The following MS4A3 variants were observed in gnomAD, a reference collection of about 807,000 sequenced individuals.
MS4A3 encodes the protein membrane-spanning 4-domains subfamily A member 3.
Under a neutral mutation model 24.7 loss-of-function variants are expected in MS4A3, and 18 were observed. That is an observed-to-expected ratio of 0.73 (90% CI 0.50 to 1.08). The LOEUF (loss-of-function observed/expected upper bound fraction) is 1.08. MS4A3 is among the 50% of genes least tolerant of loss of function. The pLI is 0.00. For missense variants in MS4A3, 282 were observed against 251.7 expected, an observed-to-expected ratio of 1.12 and a Z score of -0.82; for synonymous variants, 84 against 95.3, an observed-to-expected ratio of 0.88 and a Z score of 0.69.
At chr11:60,060,219 T>C (rs768265445) in intron 1 of MS4A3, among the ~76,000 whole-genome samples, 1 of 152,202 alleles carries the variant, frequency 6.6e-6, no homozygotes, top group Non-Finnish European at 1.5e-5. Flanking sequence ...GTTCACAGGT[T>C]GAGAATTCCG....
chr11:60,069,548 T>A, intron 5 of MS4A3, 26 bp from the exon 6 acceptor site: 1 of 1,524,552 alleles, frequency 6.6e-7, no homozygotes, highest in Non-Finnish European at 9.1e-7. Flanking sequence ...GCCACTGGGT[T>A]TGATATAAGG....
chr11:60,069,524 T>C (rs770596362), intron 5 of MS4A3, 50 bp from the exon 6 acceptor site: 2 of 1,285,460 alleles, frequency 1.6e-6, no homozygotes, highest in South Asian at 2.5e-5. Flanking sequence ...TTTTTTTTTT[T>C]ACCTCTGGAT....
At chr11:60,058,972 C>T (rs529316177) in intron 1 of MS4A3, among the ~76,000 whole-genome samples, 6 of 152,120 alleles carry the variant, frequency 3.9e-5, no homozygotes, top group South Asian at 2.1e-4. Flanking sequence ...GTGTTGAACA[C>T]GGGGGGTTAA....
intron 1 of MS4A3, among the ~76,000 whole-genome samples, chr11:60,059,604 GCTCCCACT>G: frequency 6.6e-6 from 1 of 152,086 alleles, no homozygotes; most frequent in Middle Eastern, 3.4e-3. Context: ...TTAGCATTTA[GCTCCCACT>G]TATAAGTGAG....
chr11:60,070,206 A>G lies in MS4A3; in HGVS notation c.618A>G (p.Glu206=). ...ATTAATGTTGTTTTATTTTCTAGGA[A>G]ATTTCCTCACCTCCCAATTCTGTGT... is the stretch of plus-strand genomic sequence containing the variant. ...CNANCCNSRE[E]ISSPPNSV is the part of the protein sequence containing the mutation. The change falls in exon 7 of 7, where the codon GAA becomes GAG. Residue 206 remains glutamate (E), a splice_region_variant and synonymous_variant. Coordinates refer to ENST00000278865, the MANE Select transcript of MS4A3 (RefSeq NM_006138.5). The G allele has an allele frequency of 6.2e-7, 1 of 1,601,802 alleles. No individual in the cohort carries two copies. The highest frequency in any genetic ancestry group is 8.5e-7 in the Non-Finnish European group (1 of 1,169,730).
intron 1 of MS4A3, among the ~76,000 whole-genome samples, chr11:60,059,548 T>G (rs1206149186): frequency 6.6e-6 from 1 of 152,168 alleles, no homozygotes; most frequent in Non-Finnish European, 1.5e-5. Flanking sequence ...CTCCTCTCTC[T>G]GATAATCTCC....
intron 2 of MS4A3, 26 bp downstream of exon 2, chr11:60,061,342 G>T: frequency 6.3e-7 from 1 of 1,582,016 alleles, no homozygotes; most frequent in South Asian, 1.2e-5. Flanking sequence ...TTTAAACACT[G>T]ATTTAAGAGG....
At chr11:60,068,121 T>C (rs1855402371) in intron 5 of MS4A3, among the ~76,000 whole-genome samples, 1 of 152,150 alleles carries the variant, frequency 6.6e-6, no homozygotes, top group South Asian at 2.1e-4. Flanking sequence ...ACTTGAGAGA[T>C]TTACAACTTT....
At position 60,061,649 on chromosome 11, in the gene MS4A3, C is replaced by A. The variant is rs549932586; in HGVS notation, c.156+333C>A. The A allele has an allele frequency of 6.2e-5, 18 of 288,822 alleles. 1 individual carries two copies. The highest frequency in any genetic ancestry group is 4.8e-4 in the South Asian group (14 of 29,238). 17.9% of individuals were successfully genotyped at this position (288,822 alleles called of 1,614,324 possible). On this transcript the variant is annotated intron_variant, in intron 2 of 6. Transcript: ENST00000278865. The stretch of plus-strand genomic sequence containing the variant: ...TGTCACATACAAAATATGTGATAAT[C>A]GACTGTTTATATTAATAGTAAGACT...
At chr11:60,061,032 T>C in intron 1 of MS4A3, 114 bp from the exon 2 acceptor site, 1 of 874,524 alleles carries the variant, frequency 1.1e-6, no homozygotes, top group Non-Finnish European at 1.7e-6. Flanking sequence ...GTCCCATTTG[T>C]GGAGAGTCAT....
At chr11:60,057,272 ATGT>A (rs1397127933) in intron 1 of MS4A3, among the ~76,000 whole-genome samples, 1 of 152,178 alleles carries the variant, frequency 6.6e-6, no homozygotes, top group Non-Finnish European at 1.5e-5. Context: ...CATTCATCTG[ATGT>A]TGTGAGAACT....
intron 4 of MS4A3, among the ~76,000 whole-genome samples, 163 bp from the exon 5 acceptor site, chr11:60,066,788 G>A (rs1369578082): frequency 1.3e-5 from 2 of 152,172 alleles, no homozygotes; most frequent in African/African-American, 2.4e-5. Flanking sequence ...TCCATGGAGG[G>A]TGGGGGACAG....
At chr11:60,061,572 T>C (rs1399403892) in intron 2 of MS4A3, 1 of 502,726 alleles carries the variant, frequency 2.0e-6, no homozygotes, top group Admixed American at 2.8e-5. Context: ...CATTTTCTCT[T>C]TCTTATGATT....
intron 3 of MS4A3, 107 bp downstream of exon 3, chr11:60,062,712 T>G: frequency 7.8e-7 from 1 of 1,274,008 alleles, no homozygotes; most frequent in Non-Finnish European, 1.1e-6. Context: ...GGTTGCATGC[T>G]GTGGTTTTGA....
intron 3 of MS4A3, 83 bp downstream of exon 3, chr11:60,062,688 G>C: frequency 2.6e-6 from 4 of 1,512,072 alleles, no homozygotes; most frequent in Non-Finnish European, 3.6e-6. Context: ...AATATTGTTT[G>C]TAGGTTATTG....
At chr11:60,063,696 G>A (rs1855313654) in intron 3 of MS4A3, among the ~76,000 whole-genome samples, 1 of 152,062 alleles carries the variant, frequency 6.6e-6, no homozygotes, top group Admixed American at 6.6e-5. Flanking sequence ...TGATTTTATT[G>A]CATTTGTTTT....
At position 60,070,593 on chromosome 11, in the gene MS4A3, C is replaced by T. The variant is rs1390192172; in HGVS notation, c.*360C>T. On this transcript the variant is annotated 3_prime_UTR_variant, in exon 7 of 7. Transcript: ENST00000278865. ...TTAAGGAAGGAAGGCGGTATAATCC[C>T]TATTCAATATATTTTTTCTAAAATC... 1 of 177,412 alleles carries T rather than the reference C, an allele frequency of 5.6e-6. No homozygotes were observed. Among genetic ancestry groups the T allele is most frequent in the African/African-American group, 2.4e-5 (1 of 42,504 alleles). 11.0% of individuals were successfully genotyped at this position (177,412 alleles called of 1,614,324 possible). A position where few individuals can be genotyped will look rare whatever the true frequency, so the allele number is the denominator to read the frequency against.
chr11:60,061,403 G>T, intron 2 of MS4A3, 87 bp downstream of exon 2: 1 of 1,468,324 alleles, frequency 6.8e-7, no homozygotes. Context: ...TGAACTGTGA[G>T]GATTCCCTTA....
chr11:60,065,392 A>AAAAACAAAAC (rs554954053), intron 4 of MS4A3, among the ~76,000 whole-genome samples: 1 of 152,026 alleles, frequency 6.6e-6, no homozygotes, highest in Admixed American at 6.6e-5. Flanking sequence ...TTCTCAACTT[A>AAAAACAAAAC]AAAACAAAAC....
Sources: gnomAD v4.1 joint callset for allele counts (sites outside exome capture counted in the v4.1 genomes callset) on GRCh38, gnomAD v4.1.1 for gene constraint, MANE v1.5 for transcripts, NCBI Gene and HGNC (gene_info 2026-07-23, HGNC 2026-07-21) for gene names.